The following MOCOS variants were observed in gnomAD, a reference collection of about 807,000 sequenced individuals.
The protein encoded by MOCOS is molybdenum cofactor sulfurase.
MOCOS carries 86 observed loss-of-function variants against 83.6 expected under a neutral mutation model. The ratio of observed to expected loss-of-function variants is 1.03; its 90% CI spans 0.86 to 1.23. The LOEUF (loss-of-function observed/expected upper bound fraction) is 1.23. Among genes scored for constraint, MOCOS ranks in the 50% most tolerant of loss-of-function variants. The pLI is 0.00. For missense variants in MOCOS, 1,120 were observed against 1,126.9 expected, an observed-to-expected ratio of 0.99 and a Z score of 0.09; for synonymous variants, 445 against 434.7, an observed-to-expected ratio of 1.02 and a Z score of -0.29.
intron 9 of MOCOS, among the ~76,000 whole-genome samples, chr18:36,242,196 T>A (rs1390114231): frequency 1.3e-5 from 2 of 152,196 alleles, no homozygotes; most frequent in Non-Finnish European, 2.9e-5. Context: ...CTTTTAAATA[T>A]AAGTTCCAAT....
In MOCOS at chr18:36,257,207, T is replaced by C. The variant is rs971731479; in HGVS notation, c.2270+134T>C. The stretch of plus-strand genomic sequence containing the variant: ...CCTGCTTCATGTACAGATGAGAAAC[T>C]GAGGCCCTGAGAAGTAAGCAGGCCC... On this transcript the variant is annotated intron_variant, in intron 12 of 14. Transcript: ENST00000261326. 24 of 791,784 alleles carry C rather than the reference T, an allele frequency of 3.0e-5. 1 individual carries two copies. In the Middle Eastern group the frequency reaches 1.4e-3, roughly 46 times the overall value. 49.0% of individuals were successfully genotyped at this position (791,784 alleles called of 1,614,324 possible). A position where few individuals can be genotyped will look rare whatever the true frequency, so the allele number is the denominator to read the frequency against.
chr18:36,203,801 G>T (rs544006714), intron 5 of MOCOS, among the ~76,000 whole-genome samples: 1 of 152,238 alleles, frequency 6.6e-6, no homozygotes, highest in Non-Finnish European at 1.5e-5. Flanking sequence ...GGGCAGACAG[G>T]ATTCACGGGA....
intron 9 of MOCOS, among the ~76,000 whole-genome samples, chr18:36,244,556 G>A (rs1459181761): frequency 1.3e-5 from 2 of 152,022 alleles, no homozygotes; most frequent in Non-Finnish European, 1.5e-5. Flanking sequence ...GGTTCATCTT[G>A]GAGAATATTA....
rs2091473858 is a variant in MOCOS, at chr18:36,215,748, T to C, written c.1568T>C (p.Val523Ala). ...ADSQADVIPA[V>A]MGRRSLSPQE... ...AGCCAGGCTGATGTTATACCTGCTG[T>C]CATGGGCAGACGTAGCCTCTCGCCT... is the stretch of plus-strand genomic sequence containing the variant. The change falls in exon 8 of 15, where the codon GTC becomes GCC. Residue 523 changes from valine (V) to alanine (A), a missense_variant. By Grantham distance (64) the Val-to-Ala change is moderately conservative (BLOSUM62 0). Transcript: ENST00000261326. 4.3e-6 allele frequency: 7 copies of C among 1,614,174 alleles called. No homozygotes were observed. The highest frequency in any genetic ancestry group is 5.9e-6 in the Non-Finnish European group (7 of 1,180,042).
At chr18:36,190,840 GC>G (rs2091362154) in intron 1 of MOCOS, among the ~76,000 whole-genome samples, 1 of 151,772 alleles carries the variant, frequency 6.6e-6, no homozygotes, top group Non-Finnish European at 1.5e-5. Context: ...TGGGAGGCCA[GC>G]CTGGCCAACA....
intron 4 of MOCOS, among the ~76,000 whole-genome samples, chr18:36,201,791 G>A (rs1262386945): frequency 2.0e-5 from 3 of 152,036 alleles, no homozygotes; most frequent in African/African-American, 7.2e-5. Context: ...GTCCATAGTT[G>A]GGGGGCTTCT....
At chr18:36,238,749 T>C (rs990704875) in intron 9 of MOCOS, among the ~76,000 whole-genome samples, 1 of 109,030 alleles carries the variant, frequency 9.2e-6, no homozygotes, top group Admixed American at 1.1e-4. Context: ...AAGTCTCCCA[T>C]TATTAATGTG....
chr18:36,242,733 A>C (rs1188432362), intron 9 of MOCOS, among the ~76,000 whole-genome samples: 2 of 152,274 alleles, frequency 1.3e-5, no homozygotes, highest in East Asian at 3.9e-4. Context: ...AGGAGAGAGA[A>C]GGGGGTAGGA....
intron 9 of MOCOS, among the ~76,000 whole-genome samples, chr18:36,226,442 A>G (rs2144927712): frequency 6.6e-6 from 1 of 151,666 alleles, no homozygotes; most frequent in East Asian, 1.9e-4. Flanking sequence ...TTTAAACAGC[A>G]TACAGTTGGG....
At chr18:36,224,629 A>G (rs945236885) in intron 9 of MOCOS, among the ~76,000 whole-genome samples, 1 of 151,020 alleles carries the variant, frequency 6.6e-6, no homozygotes, top group African/African-American at 2.4e-5. Context: ...TCCCAGGAAT[A>G]AAGCTCACTT....
At chr18:36,253,776 G>A (rs1201108153) in intron 11 of MOCOS, among the ~76,000 whole-genome samples, 1 of 152,114 alleles carries the variant, frequency 6.6e-6, no homozygotes, top group African/African-American at 2.4e-5. Context: ...GGGTTTAGAG[G>A]GTCAGATGTG....
intron 1 of MOCOS, chr18:36,190,396 G>T (rs2091360352): frequency 6.6e-6 from 1 of 152,096 alleles, no homozygotes; most frequent in Admixed American, 6.6e-5. Flanking sequence ...GATCAAGGGG[G>T]TGGATTTCCC....
intron 9 of MOCOS, among the ~76,000 whole-genome samples, chr18:36,237,212 G>C (rs1197584683): frequency 6.8e-6 from 1 of 146,488 alleles, no homozygotes; most frequent in Non-Finnish European, 1.5e-5. Flanking sequence ...TCTTGTGCCA[G>C]TTTTCAAAGG....
rs1053096110 is a variant in MOCOS at position 36,271,257 on chromosome 18, C to T, written c.*2572C>T. ...AAGCTCCATGAGGACAAGTCCTGTG[C>T]CAGTATATCTCTAGTGTCAGCAGAC... On this transcript the variant is annotated 3_prime_UTR_variant, in exon 15 of 15. Coordinates refer to ENST00000261326, the MANE Select transcript of MOCOS (RefSeq NM_017947.4). 6.6e-6 allele frequency: 1 copy of T among 152,112 alleles called. No individual in the cohort carries two copies. Among genetic ancestry groups the T allele is most frequent in the East Asian group, 1.9e-4 (1 of 5,194 alleles). 9.4% of individuals were successfully genotyped at this position (152,112 alleles called of 1,614,324 possible). A position where few individuals can be genotyped will look rare whatever the true frequency, so the allele number is the denominator to read the frequency against.
intron 5 of MOCOS, 70 bp from the exon 6 acceptor site, chr18:36,204,996 CAAAAAAAAAAA>C: frequency 2.4e-6 from 1 of 422,346 alleles, no homozygotes; most frequent in Non-Finnish European, 3.8e-6. Context: ...GACCGTGTCT[CAAAAAAAAAAA>C]AAAAAAAAAG....
intron 1 of MOCOS, among the ~76,000 whole-genome samples, chr18:36,191,079 C>CTCTCTCTCTG (rs529906769): frequency 1.3e-5 from 2 of 149,124 alleles, no homozygotes; most frequent in Non-Finnish European, 3.0e-5. Context: ...CAAGCACCTT[C>CTCTCTCTCTG]TCTCTCTCTG....
rs1234582383 is a variant in MOCOS at position 36,199,708 on chromosome 18, G to T, written c.325G>T (p.Ala109Ser). The change falls in exon 4 of 15, where the codon GCA becomes TCA. Residue 109 changes from alanine (A) to serine (S), a missense_variant. Physicochemically the swap from Ala to Ser is moderately conservative, Grantham distance 99. Transcript: ENST00000261326. ...AATCCTGGCGCACTTCCACACCACCGCAGAAGACTACACTGTGATCTTCAC... is the reference window on the plus strand; with the variant it reads ...AATCCTGGCGCACTTCCACACCACCTCAGAAGACTACACTGTGATCTTCAC... ...YRILAHFHTT[A>S]EDYTVIFTAG... The T allele has an allele frequency of 1.2e-6, 2 of 1,613,914 alleles. No individual in the cohort carries two copies. The highest frequency in any genetic ancestry group is 1.3e-5 in the African/African-American group (1 of 75,018).
chr18:36,209,675 C>T (rs2091447321), intron 6 of MOCOS, among the ~76,000 whole-genome samples: 1 of 151,254 alleles, frequency 6.6e-6, no homozygotes, highest in South Asian at 2.1e-4. Context: ...TGTTTTGTTT[C>T]GTTTTATGGC....
chr18:36,257,252 A>G (rs1407079816), intron 12 of MOCOS, among the ~76,000 whole-genome samples, 179 bp downstream of exon 12: 1 of 152,188 alleles, frequency 6.6e-6, no homozygotes, highest in Non-Finnish European at 1.5e-5. Flanking sequence ...GCTTCCATTC[A>G]TCTTTATAGA....
Sources: gnomAD v4.1 joint callset for allele counts (sites outside exome capture counted in the v4.1 genomes callset) on GRCh38, gnomAD v4.1.1 for gene constraint, MANE v1.5 for transcripts, NCBI Gene and HGNC (gene_info 2026-07-23, HGNC 2026-07-21) for gene names.